AADACL2: variants seen among roughly 807,000 people sequenced by gnomAD.
The protein encoded by AADACL2 is arylacetamide deacetylase-like 2.
AADACL2 carries 23 observed loss-of-function variants against 22.3 expected under a neutral mutation model. That is an observed-to-expected ratio of 1.03 (90% CI 0.74 to 1.46). The LOEUF (loss-of-function observed/expected upper bound fraction) is 1.46. AADACL2 is among the 40% of genes most tolerant of loss of function. AADACL2 has a pLI of 0.00. For missense variants in AADACL2, 472 were observed against 482.9 expected, an observed-to-expected ratio of 0.98 and a Z score of 0.21; for synonymous variants, 177 against 166.2, an observed-to-expected ratio of 1.07 and a Z score of -0.50.
intron 4 of AADACL2, among the ~76,000 whole-genome samples, chr3:151,747,893 C>G (rs1271946151): frequency 6.6e-6 from 1 of 152,028 alleles, no homozygotes; most frequent in Non-Finnish European, 1.5e-5. Flanking sequence ...ACTGACATTT[C>G]CAACAACAAT....
At chr3:151,742,778 C>T (rs1040431956) in intron 2 of AADACL2, among the ~76,000 whole-genome samples, 6 of 152,102 alleles carry the variant, frequency 3.9e-5, no homozygotes, top group South Asian at 2.1e-4. Context: ...TGCTTGAAAG[C>T]GGTATCTAAC....
In AADACL2 at chr3:151,761,174, T is replaced by C. The variant is rs1352471719; in HGVS notation, c.*3580T>C. On this transcript the variant is annotated 3_prime_UTR_variant, in exon 5 of 5. Transcript: ENST00000356517. The stretch of plus-strand genomic sequence containing the variant: ...ATATATATATGGTGAGATATATATT[T>C]ATATATATGGTGAGATATATACATA... The C allele has an allele frequency of 2.7e-3, 255 of 96,210 alleles. 1 individual carries two copies. The highest frequency in any genetic ancestry group is 8.2e-3 in the African/African-American group (162 of 19,874). The allele number at this position is 96,210 out of a possible 1,614,324, so 6.0% of individuals were successfully genotyped here.
At chr3:151,746,646 A>G (rs987037387) in intron 4 of AADACL2, among the ~76,000 whole-genome samples, 2 of 152,014 alleles carry the variant, frequency 1.3e-5, no homozygotes, top group African/African-American at 4.8e-5. Context: ...TAGTTTTTGC[A>G]TAAATGGGTC....
chr3:151,750,269 G>A (rs904818262), intron 4 of AADACL2, among the ~76,000 whole-genome samples: 1 of 152,068 alleles, frequency 6.6e-6, no homozygotes, highest in African/African-American at 2.4e-5. Flanking sequence ...TGTTCATAAC[G>A]GAAAATTAGC....
intron 4 of AADACL2, among the ~76,000 whole-genome samples, chr3:151,752,907 G>GT (rs2067107482): frequency 6.6e-6 from 1 of 151,998 alleles, no homozygotes. Flanking sequence ...TAATAAAGCC[G>GT]TATGATCTTA....
At chr3:151,756,232 T>C (rs975424394) in intron 4 of AADACL2, among the ~76,000 whole-genome samples, 2 of 152,150 alleles carry the variant, frequency 1.3e-5, no homozygotes, top group Admixed American at 1.3e-4. Context: ...TGCAGGGTCA[T>C]AGGTGAGACC....
chr3:151,757,125 C>T lies in AADACL2; in HGVS notation c.737C>T (p.Ala246Val). ...EHGIVLTRDV[A>V]IKLVSLYFTK... is the part of the protein sequence containing the mutation. Reference sequence around the variant, plus strand: ...GGTATAGTTTTGACCAGGGATGTAGCCATAAAACTCGTGAGCTTATATTTC... The same window carrying T: ...GGTATAGTTTTGACCAGGGATGTAGTCATAAAACTCGTGAGCTTATATTTC... The change falls in exon 5 of 5, where the codon GCC becomes GTC. Residue 246 changes from alanine (A) to valine (V), a missense_variant. By Grantham distance (64) the Ala-to-Val change is moderately conservative (BLOSUM62 0). Transcript: ENST00000356517. The T allele has an allele frequency of 1.2e-6, 2 of 1,613,204 alleles. No individual in the cohort carries two copies. Among genetic ancestry groups the T allele is most frequent in the South Asian group, 2.2e-5 (2 of 91,026 alleles).
At chr3:151,754,246 C>G (rs1713790020) in intron 4 of AADACL2, among the ~76,000 whole-genome samples, 1 of 152,014 alleles carries the variant, frequency 6.6e-6, no homozygotes, top group African/African-American at 2.4e-5. Context: ...CATGTTTACT[C>G]CAAGCATTTT....
rs146782412 is a variant in AADACL2, at chr3:151,745,169, AT to A, written c.432-339del. On this transcript the variant is annotated intron_variant, in intron 3 of 4. Coordinates refer to ENST00000356517, the MANE Select transcript of AADACL2 (RefSeq NM_207365.4). ...TTTTTAAACAAGCATTTTTAAAAAA[AT>A]GTTTGGATTACAAGTTACATTGAGA... 3.5e-3 allele frequency among the ~76,000 whole-genome samples: 530 copies of A among 152,168 alleles called. 4 individuals are homozygous for A. The highest frequency in any genetic ancestry group is 0.012 in the African/African-American group (508 of 41,476).
In AADACL2 at chr3:151,757,582, T is replaced by C. The variant is rs1713979907; in HGVS notation, c.1194T>C (p.Asp398=). 3.1e-6 allele frequency: 5 copies of C among 1,605,214 alleles called. No homozygotes were observed. Among genetic ancestry groups the C allele is most frequent in the South Asian group, 1.1e-5 (1 of 89,744 alleles). ...RIRDMYVSWL[D]KNL is the part of the protein sequence containing the mutation. ...GAGATATGTATGTAAGTTGGCTGGA[T>C]AAGAATTTATAAATATGTGATGTGT... The change falls in exon 5 of 5, where the codon GAT becomes GAC. Residue 398 remains aspartate (D), a synonymous_variant. Coordinates refer to ENST00000356517, the MANE Select transcript of AADACL2 (RefSeq NM_207365.4).
chr3:151,757,346 T>G lies in AADACL2; in HGVS notation c.958T>G (p.Leu320Val). Residue 320 changes from leucine (L) to valine (V), a missense_variant, in exon 5 of 5, where the codon TTG becomes GTG. Coordinates refer to ENST00000356517, the MANE Select transcript of AADACL2 (RefSeq NM_207365.4). ...PGLTDSRALPLLANDSQLQNL... is the reference protein window; with the variant it reads ...PGLTDSRALPVLANDSQLQNL... The stretch of plus-strand genomic sequence containing the variant: ...ACTTACAGACAGCAGAGCATTACCC[T>G]TGTTGGCCAATGATTCTCAGTTACA... 6.2e-7 allele frequency: 1 copy of G among 1,613,800 alleles called. No homozygotes were observed. Among genetic ancestry groups the G allele is most frequent in the South Asian group, 1.1e-5 (1 of 91,066 alleles).
Position 151,759,583 on chromosome 3 carries a change from A to G in AADACL2, c.*1989A>G, listed in dbSNP as rs776843722. Reference sequence around the variant, plus strand: ...TTGTTTTCGTTTTGAAAAAGTTTGTATCTTGCAGAGCAGAAAAGCACTTCT... The same window carrying G: ...TTGTTTTCGTTTTGAAAAAGTTTGTGTCTTGCAGAGCAGAAAAGCACTTCT... On this transcript the variant is annotated 3_prime_UTR_variant, in exon 5 of 5. Coordinates refer to ENST00000356517, the MANE Select transcript of AADACL2 (RefSeq NM_207365.4). The G allele has an allele frequency of 6.6e-6, 1 of 152,180 alleles. No individual in the cohort carries two copies. Among genetic ancestry groups the G allele is most frequent in the African/African-American group, 2.4e-5 (1 of 41,444 alleles). 9.4% of individuals were successfully genotyped at this position (152,180 alleles called of 1,614,324 possible). A position where few individuals can be genotyped will look rare whatever the true frequency, so the allele number is the denominator to read the frequency against.
chr3:151,735,403 A>T (rs1027106033), intron 1 of AADACL2, among the ~76,000 whole-genome samples: 1 of 152,186 alleles, frequency 6.6e-6, no homozygotes, highest in African/African-American at 2.4e-5. Context: ...GTTTAAATGG[A>T]TGCAGACTTG....
rs757180303 is a variant in AADACL2 at position 151,757,631 on chromosome 3, T to A, written c.*37T>A. On this transcript the variant is annotated 3_prime_UTR_variant, in exon 5 of 5. Transcript: ENST00000356517. The stretch of plus-strand genomic sequence containing the variant: ...GTATGTATAGCCCTTACATAGTGGA[T>A]TGTAATTTGTGATATTTTGTGGTTT... 1 of 1,536,200 alleles carries A rather than the reference T, an allele frequency of 6.5e-7. No individual in the cohort carries two copies. Among genetic ancestry groups the A allele is most frequent in the Non-Finnish European group, 8.7e-7 (1 of 1,143,324 alleles).
chr3:151,752,941 T>A (rs1193986371), intron 4 of AADACL2, among the ~76,000 whole-genome samples: 2 of 152,180 alleles, frequency 1.3e-5, no homozygotes, highest in Non-Finnish European at 2.9e-5. Flanking sequence ...TTCTATGGCA[T>A]CCCATATTTC....
At chr3:151,752,673 T>G (rs1713715795) in intron 4 of AADACL2, among the ~76,000 whole-genome samples, 1 of 152,190 alleles carries the variant, frequency 6.6e-6, no homozygotes, top group African/African-American at 2.4e-5. Context: ...TTATTTAGGA[T>G]CAGAGATATT....
At chr3:151,742,581 A>T (rs1286455577) in intron 2 of AADACL2, among the ~76,000 whole-genome samples, 1 of 152,130 alleles carries the variant, frequency 6.6e-6, no homozygotes, top group East Asian at 1.9e-4. Flanking sequence ...GATGAAACGG[A>T]TTTCTTGTGG....
chr3:151,750,645 C>T (rs1451736696), intron 4 of AADACL2, among the ~76,000 whole-genome samples: 3 of 151,956 alleles, frequency 2.0e-5, no homozygotes, highest in Non-Finnish European at 4.4e-5. Flanking sequence ...GTTATAAAAA[C>T]TTGAGCCAAA....
At chr3:151,743,341 A>AAGC (rs1205760760) in intron 2 of AADACL2, among the ~76,000 whole-genome samples, 2 of 152,132 alleles carry the variant, frequency 1.3e-5, no homozygotes, top group South Asian at 2.1e-4. Flanking sequence ...GTGGTAAATA[A>AAGC]AGCAGCAGCA....
Sources: allele counts gnomAD v4.1 joint callset (sites outside exome capture counted in the v4.1 genomes callset), GRCh38; gene constraint gnomAD v4.1.1; transcripts MANE v1.5; gene names NCBI Gene and HGNC (gene_info 2026-07-23, HGNC 2026-07-21).